ZNF316: variants seen among roughly 807,000 people sequenced by gnomAD.
ZNF316 encodes zinc finger protein 316.
A neutral mutation model predicts 75.6 loss-of-function variants in ZNF316; 23 were observed. The observed-to-expected ratio is 0.30, with a 90% CI of 0.22 to 0.43. The LOEUF (loss-of-function observed/expected upper bound fraction) is 0.43, where lower values mean the gene tolerates loss of function less well. ZNF316 is among the 20% of genes least tolerant of loss of function. ZNF316 has a pLI of 1.00. For synonymous variants in ZNF316, 827 were observed against 666.2 expected, an observed-to-expected ratio of 1.24 and a Z score of -3.72; for missense variants, 1,266 against 1,409.4, an observed-to-expected ratio of 0.90 and a Z score of 1.63.
intron 8 of ZNF316, among the ~76,000 whole-genome samples, chr7:6,645,531 A>C (rs1048113274): frequency 6.6e-6 from 1 of 151,726 alleles, no homozygotes; most frequent in Non-Finnish European, 1.5e-5. Context: ...TAAAAATACA[A>C]AAATTAGCTG....
chr7:6,639,539 C>A lies in ZNF316; in HGVS notation c.-167+398C>A, dbSNP rs981022947. Among the ~76,000 whole-genome samples, 3 of 152,194 alleles carry A rather than the reference C, an allele frequency of 2.0e-5. No individual in the cohort carries two copies. Among genetic ancestry groups the A allele is most frequent in the South Asian group, 4.1e-4 (2 of 4,838 alleles). ...AGAGAGTTCTGGGGATGGGGAATAACACACACACGGCCTGAGATGAGATGA... is the reference window on the plus strand; with the variant it reads ...AGAGAGTTCTGGGGATGGGGAATAAAACACACACGGCCTGAGATGAGATGA... On this transcript the variant is annotated intron_variant, in intron 3 of 8. Transcript: ENST00000382252. This position sits in a 1 kb window ranked among gnomAD's most constrained non-coding sequence, Gnocchi z 4.2.
At position 6,652,797 on chromosome 7, in the gene ZNF316, T is replaced by C; in HGVS notation, c.1201T>C (p.Phe401Leu). The C allele has an allele frequency of 7.9e-7, 1 of 1,272,624 alleles. No individual in the cohort carries two copies. Among genetic ancestry groups the C allele is most frequent in the Non-Finnish European group, 9.9e-7 (1 of 1,008,830 alleles). 78.8% of individuals were successfully genotyped at this position (1,272,624 alleles called of 1,614,324 possible). A position where few individuals can be genotyped will look rare whatever the true frequency, so the allele number is the denominator to read the frequency against. Residue 401 changes from phenylalanine to leucine, a missense_variant, in exon 9 of 9, where the codon TTC becomes CTC. Phe to Leu is a conservative substitution (Grantham distance 22). Transcript: ENST00000382252. ...GCGCACGCACACCGGCGAGAAGCCCTTCCCGTGCCCGGACTGCGGCAAGCG... is the reference window on the plus strand; with the variant it reads ...GCGCACGCACACCGGCGAGAAGCCCCTCCCGTGCCCGGACTGCGGCAAGCG... ...HQRTHTGEKP[F>L]PCPDCGKRFV...
At position 6,653,199 on chromosome 7, in the gene ZNF316, C is replaced by G; in HGVS notation, c.1603C>G (p.Pro535Ala). ...CGCCGCGGGGCCCGAGGACACGGAC[C>G]CTGGGCCAGAGGGATCTGAAGTTGG... ...AAAAGPEDTD[P>A]GPEGSEVGEA... Residue 535 changes from proline (P) to alanine (A), a missense_variant, in exon 9 of 9, where the codon CCT (proline) becomes GCT (alanine). Coordinates refer to ENST00000382252, the MANE Select transcript of ZNF316 (RefSeq NM_001278559.2). 1 of 1,219,624 alleles carries G rather than the reference C, an allele frequency of 8.2e-7. No individual in the cohort carries two copies. The highest frequency in any genetic ancestry group is 1.0e-6 in the Non-Finnish European group (1 of 980,454). 75.6% of individuals were successfully genotyped at this position (1,219,624 alleles called of 1,614,324 possible). A position where few individuals can be genotyped will look rare whatever the true frequency, so the allele number is the denominator to read the frequency against.
At chr7:6,641,410 A>G (rs1779309616) in intron 3 of ZNF316, among the ~76,000 whole-genome samples, 2 of 152,220 alleles carry the variant, frequency 1.3e-5, no homozygotes, top group African/African-American at 2.4e-5. Flanking sequence ...AGCCACAGAA[A>G]TGGACTCATC....
At chr7:6,647,905 G>A (rs371531676) in intron 8 of ZNF316, among the ~76,000 whole-genome samples, 7 of 152,314 alleles carry the variant, frequency 4.6e-5, no homozygotes, top group South Asian at 2.1e-4. Context: ...CCCCACAGCC[G>A]CTGTGATTAG....
chr7:6,644,838 T>C (rs947298818), intron 8 of ZNF316, among the ~76,000 whole-genome samples: 5 of 152,168 alleles, frequency 3.3e-5, no homozygotes, highest in African/African-American at 1.2e-4. Context: ...TTGGAGCCTG[T>C]GAATTTCTTT....
rs901937009 is a variant in ZNF316 at position 6,642,332 on chromosome 7, C to T, written c.-28-50C>T. ...GCTGCGGGAGACCCTGTGAGGGGAC[C>T]GTGTGGTGTGCTGAGAGCAGCCCGT... On this transcript the variant is annotated intron_variant, in intron 4 of 8. Coordinates refer to ENST00000382252, the MANE Select transcript of ZNF316 (RefSeq NM_001278559.2). This position sits in a 1 kb window ranked among gnomAD's most constrained non-coding sequence, Gnocchi z 8.1. 4.1e-5 allele frequency: 40 copies of T among 966,194 alleles called. No homozygotes were observed. The South Asian group carries it at 1.3e-3, about 32-fold the overall frequency. 59.9% of individuals were successfully genotyped at this position (966,194 alleles called of 1,614,324 possible). A position where few individuals can be genotyped will look rare whatever the true frequency, so the allele number is the denominator to read the frequency against.
At position 6,656,351 on chromosome 7, in the gene ZNF316, C is replaced by G. The variant is rs1299688196; in HGVS notation, c.*1740C>G. On this transcript the variant is annotated 3_prime_UTR_variant, in exon 9 of 9. Transcript: ENST00000382252. Reference sequence around the variant, plus strand: ...GCCCTGTATGGCCAGGATCTGCTGTCTCCGTCCCTCCTGGGCCCCAGCAGC... The same window carrying G: ...GCCCTGTATGGCCAGGATCTGCTGTGTCCGTCCCTCCTGGGCCCCAGCAGC... 2 of 152,286 alleles carry G rather than the reference C, an allele frequency of 1.3e-5. No homozygotes were observed. The highest frequency in any genetic ancestry group is 3.9e-4 in the East Asian group (2 of 5,156). 9.4% of individuals were successfully genotyped at this position (152,286 alleles called of 1,614,324 possible).
At position 6,642,621 on chromosome 7, in the gene ZNF316, CGGT is replaced by C; in HGVS notation, c.215_217del (p.Val72del). 1.6e-6 allele frequency: 2 copies of C among 1,228,056 alleles called. No homozygotes were observed. Among genetic ancestry groups the C allele is most frequent in the Non-Finnish European group, 2.0e-6 (2 of 983,922 alleles). The allele number at this position is 1,228,056 out of a possible 1,614,324, so 76.1% of individuals were successfully genotyped here. On this transcript the variant is annotated inframe_deletion, in exon 5 of 9. Transcript: ENST00000382252. This position sits in a 1 kb window ranked among gnomAD's most constrained non-coding sequence, Gnocchi z 8.1. ...GTAGTGCAGGATGCGCAGGTGGAGG[CGGT>C]GGCCGAGGTGGAGGTGGAGGCGGAC... is the stretch of plus-strand genomic sequence containing the variant.
rs1158925470 is a variant in ZNF316, at chr7:6,639,758, C to T, written c.-167+617C>T. 6.6e-6 allele frequency among the ~76,000 whole-genome samples: 1 copy of T among 152,208 alleles called. No homozygotes were observed. Among genetic ancestry groups the T allele is most frequent in the Non-Finnish European group, 1.5e-5 (1 of 68,048 alleles). ...AGGCTTGAAAGAGAAAAGCCCTCCT[C>T]TGGGCCTCAAGTGGGTGGCAGTTGG... On this transcript the variant is annotated intron_variant, in intron 3 of 8. Transcript: ENST00000382252. The surrounding 1 kb of genome is among the most constrained non-coding windows in gnomAD (Gnocchi z 4.2).
chr7:6,653,180 G>A lies in ZNF316; in HGVS notation c.1584G>A (p.Ala528=). 2 of 1,210,312 alleles carry A rather than the reference G, an allele frequency of 1.7e-6. No individual in the cohort carries two copies. The highest frequency in any genetic ancestry group is 2.1e-6 in the Non-Finnish European group (2 of 974,484). The allele number at this position is 1,210,312 out of a possible 1,614,324, so 75.0% of individuals were successfully genotyped here. The part of the protein sequence containing the change: ...RREPGETAAA[A]GPEDTDPGPE... ...AGCCCGGCGAGACGGCGGCCGCCGC[G>A]GGGCCCGAGGACACGGACCCTGGGC... is the stretch of plus-strand genomic sequence containing the variant. Residue 528 remains alanine, a synonymous_variant, in exon 9 of 9, where the codon GCG becomes GCA. Transcript: ENST00000382252.
rs1779618571 is a variant in ZNF316 at position 6,655,976 on chromosome 7, G to A, written c.*1365G>A. The A allele has an allele frequency of 6.6e-6, 1 of 152,298 alleles. No individual in the cohort carries two copies. Among genetic ancestry groups the A allele is most frequent in the Non-Finnish European group, 1.5e-5 (1 of 68,106 alleles). The allele number at this position is 152,298 out of a possible 1,614,324, so 9.4% of individuals were successfully genotyped here. On this transcript the variant is annotated 3_prime_UTR_variant, in exon 9 of 9. Transcript: ENST00000382252. ...GCCACTGTGAATGGGGCCAGGAAACGGATTTTTGGTGCAGCTGCATTCCCT... is the reference window on the plus strand; with the variant it reads ...GCCACTGTGAATGGGGCCAGGAAACAGATTTTTGGTGCAGCTGCATTCCCT...
intron 7 of ZNF316, among the ~76,000 whole-genome samples, 192 bp downstream of exon 7, chr7:6,644,140 C>T (rs1438931404): frequency 6.6e-6 from 1 of 152,212 alleles, no homozygotes; most frequent in Non-Finnish European, 1.5e-5. Flanking sequence ...GGCCAGGCAG[C>T]ACCCTGAGCC....
At position 6,658,232 on chromosome 7, in the gene ZNF316, A is replaced by G. The variant is rs569248680; in HGVS notation, c.*3621A>G. On this transcript the variant is annotated 3_prime_UTR_variant, in exon 9 of 9. Transcript: ENST00000382252. ...TAATTGGCTACATATGGAATAAAGT[A>G]TTTTGAATTACTGGGTTATATCTAT... Among the ~76,000 whole-genome samples, 2 of 151,958 alleles carry G rather than the reference A, an allele frequency of 1.3e-5. No homozygotes were observed. The highest frequency in any genetic ancestry group is 3.9e-4 in the East Asian group (2 of 5,184).
rs1779544820 is a variant in ZNF316, at chr7:6,653,186, C to G, written c.1590C>G (p.Pro530=). Residue 530 remains proline (P), a synonymous_variant, in exon 9 of 9, where the codon CCC becomes CCG. Coordinates refer to ENST00000382252, the MANE Select transcript of ZNF316 (RefSeq NM_001278559.2). The part of the protein sequence containing the change: ...EPGETAAAAG[P]EDTDPGPEGS... The stretch of plus-strand genomic sequence containing the variant: ...GCGAGACGGCGGCCGCCGCGGGGCC[C>G]GAGGACACGGACCCTGGGCCAGAGG... 8.2e-7 allele frequency: 1 copy of G among 1,213,978 alleles called. No individual in the cohort carries two copies. The highest frequency in any genetic ancestry group is 1.0e-6 in the Non-Finnish European group (1 of 976,826). 75.2% of individuals were successfully genotyped at this position (1,213,978 alleles called of 1,614,324 possible). A position where few individuals can be genotyped will look rare whatever the true frequency, so the allele number is the denominator to read the frequency against.
At chr7:6,651,420 C>A (rs998947858) in intron 8 of ZNF316, among the ~76,000 whole-genome samples, 2 of 152,022 alleles carry the variant, frequency 1.3e-5, no homozygotes, top group African/African-American at 4.8e-5. Context: ...TTTGGGAGGC[C>A]GAGGTGGGCA....
At chr7:6,641,066 G>A (rs542707914) in intron 3 of ZNF316, among the ~76,000 whole-genome samples, 1 of 152,366 alleles carries the variant, frequency 6.6e-6, no homozygotes, top group South Asian at 2.1e-4. Flanking sequence ...GAAGTGATGG[G>A]TTATGGAGGG....
rs894289592 is a variant in ZNF316 at position 6,653,488 on chromosome 7, C to T, written c.1892C>T (p.Pro631Leu). The change falls in exon 9 of 9, where the codon CCG becomes CTG. Residue 631 changes from proline (P) to leucine (L), a missense_variant. By Grantham distance (98) the Pro-to-Leu change is moderately conservative (BLOSUM62 -3). Around this residue, in one of 3 missense-constraint regions of ZNF316, gnomAD observed 961 missense variants for 990.9 expected, o/e 0.97. Transcript: ENST00000382252. ...FRERLPVDGR[P>L]LPAPLGGPLS... ...GAGCGGCTGCCGGTCGACGGGCGCC[C>T]GCTCCCGGCGCCCCTGGGGGGCCCG... The T allele has an allele frequency of 2.9e-5, 36 of 1,222,636 alleles. No individual in the cohort carries two copies. The highest frequency in any genetic ancestry group is 3.1e-4 in the Middle Eastern group (1 of 3,190). The allele number at this position is 1,222,636 out of a possible 1,614,324, so 75.7% of individuals were successfully genotyped here.
At chr7:6,647,841 C>G (rs534869296) in intron 8 of ZNF316, among the ~76,000 whole-genome samples, 1 of 152,168 alleles carries the variant, frequency 6.6e-6, no homozygotes, top group Non-Finnish European at 1.5e-5. Flanking sequence ...GGTCCCGTGG[C>G]AGGTTGGGAC....
Sources: gnomAD v4.1 joint callset for allele counts (sites outside exome capture counted in the v4.1 genomes callset) on GRCh38, gnomAD v4.1.1 for gene constraint, gnomAD v4.1.1 regional missense constraint, Gnocchi (gnomAD v3.1) non-coding constraint, MANE v1.5 for transcripts, NCBI Gene and HGNC (gene_info 2026-07-23, HGNC 2026-07-21) for gene names.